The following AP1AR variants were observed in gnomAD, a reference collection of about 807,000 sequenced individuals.
AP1AR encodes the protein AP-1 complex-associated regulatory protein.
AP1AR carries 29 observed loss-of-function variants against 46.3 expected under a neutral mutation model. The ratio of observed to expected loss-of-function variants is 0.63; its 90% CI spans 0.47 to 0.85. The LOEUF (loss-of-function observed/expected upper bound fraction) is 0.85. Among genes scored for constraint, AP1AR ranks in the 40% least tolerant of loss-of-function variants. AP1AR has a pLI of 0.00. For synonymous variants in AP1AR, 122 were observed against 122.9 expected, an observed-to-expected ratio of 0.99 and a Z score of 0.05; for missense variants, 357 against 356.3, an observed-to-expected ratio of 1.00 and a Z score of -0.02.
At chr4:112,263,179 A>C (rs1726528261) in intron 6 of AP1AR, 93 bp downstream of exon 6, 213 of 945,666 alleles carry the variant, frequency 2.3e-4, no homozygotes, top group Non-Finnish European at 3.0e-4. Context: ...TCCTATTCTC[A>C]AGGACTTCTT....
intron 5 of AP1AR, among the ~76,000 whole-genome samples, chr4:112,262,164 A>T (rs1726478381): frequency 6.6e-6 from 1 of 151,818 alleles, no homozygotes; most frequent in South Asian, 2.1e-4. Context: ...AAATACAAAA[A>T]TTCACCCGGG....
Position 112,232,018 on chromosome 4 carries a change from A to ATGCAGC in AP1AR, c.-70_-65dup, listed in dbSNP as rs1384665869. The ATGCAGC allele has an allele frequency of 8.7e-6, 11 of 1,271,078 alleles. No homozygotes were observed. The highest frequency in any genetic ancestry group is 1.0e-5 in the Non-Finnish European group (10 of 990,678). 78.7% of individuals were successfully genotyped at this position (1,271,078 alleles called of 1,614,324 possible). A position where few individuals can be genotyped will look rare whatever the true frequency, so the allele number is the denominator to read the frequency against. ...CCCCATTTCGGCTCGTGCCGTGCGG[A>ATGCAGC]TGCAGCTGCCGGGCCTGGGTTTGGG... is the stretch of plus-strand genomic sequence containing the variant. On this transcript the variant is annotated 5_prime_UTR_variant, in exon 1 of 10. Transcript: ENST00000274000.
rs1332293690 is a variant in AP1AR at position 112,231,856 on chromosome 4, C to G, written c.-236C>G. 2.8e-5 allele frequency: 11 copies of G among 388,816 alleles called. No homozygotes were observed. 24.1% of individuals were successfully genotyped at this position (388,816 alleles called of 1,614,324 possible). A position where few individuals can be genotyped will look rare whatever the true frequency, so the allele number is the denominator to read the frequency against. On this transcript the variant is annotated 5_prime_UTR_variant, in exon 1 of 10. Coordinates refer to ENST00000274000, the MANE Select transcript of AP1AR (RefSeq NM_018569.6). The stretch of plus-strand genomic sequence containing the variant: ...GGCGAGGGAGTCCAGAGCCTTGAGC[C>G]CGGTGCTCCTCCCTCGCGCAGCGGT...
At chr4:112,261,343 T>G (rs565416601) in intron 5 of AP1AR, among the ~76,000 whole-genome samples, 4 of 151,466 alleles carry the variant, frequency 2.6e-5, no homozygotes, top group Non-Finnish European at 5.9e-5. Context: ...GAGGTGGGAG[T>G]ATTGCTTGAG....
chr4:112,269,206 A>G lies in AP1AR; in HGVS notation c.*797A>G, dbSNP rs1028417319. 1.3e-5 allele frequency: 2 copies of G among 152,108 alleles called. No individual in the cohort carries two copies. Among genetic ancestry groups the G allele is most frequent in the African/African-American group, 2.4e-5 (1 of 41,382 alleles). 9.4% of individuals were successfully genotyped at this position (152,108 alleles called of 1,614,324 possible). A position where few individuals can be genotyped will look rare whatever the true frequency, so the allele number is the denominator to read the frequency against. ...GGTGCCATTATTTTTAAAAAATTCT[A>G]TATTTCCAATGAACGATGTTAGATT... On this transcript the variant is annotated 3_prime_UTR_variant, in exon 10 of 10. Coordinates refer to ENST00000274000, the MANE Select transcript of AP1AR (RefSeq NM_018569.6).
intron 1 of AP1AR, among the ~76,000 whole-genome samples, chr4:112,242,754 C>A (rs548923839): frequency 6.6e-6 from 1 of 152,266 alleles, no homozygotes; most frequent in South Asian, 2.1e-4. Context: ...CAATGGAGAT[C>A]AAATTTCAAC....
At chr4:112,255,698 C>T (rs1021322091) in intron 3 of AP1AR, among the ~76,000 whole-genome samples, 1 of 152,236 alleles carries the variant, frequency 6.6e-6, no homozygotes, top group African/African-American at 2.4e-5. Flanking sequence ...CATTTCATCT[C>T]ATACAACTCA....
intron 2 of AP1AR, among the ~76,000 whole-genome samples, chr4:112,253,787 A>G (rs1427447389): frequency 6.6e-6 from 1 of 152,222 alleles, no homozygotes; most frequent in East Asian, 1.9e-4. Flanking sequence ...GAAAAATCAG[A>G]GGCTTAGACA....
intron 1 of AP1AR, among the ~76,000 whole-genome samples, chr4:112,245,540 A>G (rs1725692667): frequency 6.6e-6 from 1 of 152,248 alleles, no homozygotes; most frequent in Non-Finnish European, 1.5e-5. Flanking sequence ...GACACATAAT[A>G]GCCTTTAAAA....
At chr4:112,252,512 G>C (rs960143317) in intron 1 of AP1AR, among the ~76,000 whole-genome samples, 1 of 152,142 alleles carries the variant, frequency 6.6e-6, no homozygotes, top group African/African-American at 2.4e-5. Context: ...GGATGCTGTA[G>C]TACTTAGAAT....
At chr4:112,264,341 T>G (rs1463620932) in intron 6 of AP1AR, among the ~76,000 whole-genome samples, 5 of 152,184 alleles carry the variant, frequency 3.3e-5, no homozygotes, top group Non-Finnish European at 7.4e-5. Context: ...AAATATTTGA[T>G]GTAGGAACAC....
At chr4:112,262,850 T>C (rs1726512581) in intron 5 of AP1AR, 138 bp from the exon 6 acceptor site, 1 of 640,110 alleles carries the variant, frequency 1.6e-6, no homozygotes. Context: ...TGCAAACATT[T>C]CAATTCTGTT....
At chr4:112,266,828 T>C (rs1274572948) in intron 9 of AP1AR, 112 bp downstream of exon 9, 4 of 1,034,144 alleles carry the variant, frequency 3.9e-6, no homozygotes, top group African/African-American at 1.7e-5. Flanking sequence ...CCTTGAAAAA[T>C]CATATAAACA....
intron 5 of AP1AR, 103 bp downstream of exon 5, chr4:112,260,965 A>G (rs1020854910): frequency 1.4e-5 from 8 of 586,412 alleles, no homozygotes; most frequent in Non-Finnish European, 1.9e-5. Context: ...TTAGATATAT[A>G]CAGATGAATC....
At chr4:112,244,681 A>C (rs899527227) in intron 1 of AP1AR, among the ~76,000 whole-genome samples, 3 of 152,064 alleles carry the variant, frequency 2.0e-5, no homozygotes, top group Non-Finnish European at 2.9e-5. Flanking sequence ...ATGCAGTGTT[A>C]TATTGATTTT....
chr4:112,267,421 C>G (rs1265639248), intron 9 of AP1AR, among the ~76,000 whole-genome samples: 1 of 151,906 alleles, frequency 6.6e-6, no homozygotes, highest in Non-Finnish European at 1.5e-5. Flanking sequence ...TTGACACTTT[C>G]ACTTTACCAA....
At chr4:112,267,998 G>T (rs1726777211) in intron 9 of AP1AR, 146 bp from the exon 10 acceptor site, 6 of 694,024 alleles carry the variant, frequency 8.6e-6, no homozygotes, top group South Asian at 3.7e-5. Context: ...TTTCCCTTAA[G>T]AAGGCCTCCA....
At position 112,269,152 on chromosome 4, in the gene AP1AR, TTTAA is replaced by T. The variant is rs1188842098; in HGVS notation, c.*746_*749del. 3 of 151,650 alleles carry T rather than the reference TTTAA, an allele frequency of 2.0e-5. No homozygotes were observed. The highest frequency in any genetic ancestry group is 6.6e-5 in the Admixed American group (1 of 15,178). The allele number at this position is 151,650 out of a possible 1,614,324, so 9.4% of individuals were successfully genotyped here. A position where few individuals can be genotyped will look rare whatever the true frequency, so the allele number is the denominator to read the frequency against. On this transcript the variant is annotated 3_prime_UTR_variant, in exon 10 of 10. Transcript: ENST00000274000. ...TCATTTTACATGCCACTATATTGAC[TTTAA>T]TTGATATACAGTATTAAGTTTTTAG...
chr4:112,242,699 T>C (rs915626634), intron 1 of AP1AR, among the ~76,000 whole-genome samples: 1 of 152,150 alleles, frequency 6.6e-6, no homozygotes, highest in Non-Finnish European at 1.5e-5. Flanking sequence ...TCATGAGGGA[T>C]CCACCACTGT....
Sources: gnomAD v4.1 joint callset for allele counts (sites outside exome capture counted in the v4.1 genomes callset) on GRCh38, gnomAD v4.1.1 for gene constraint, MANE v1.5 for transcripts, NCBI Gene and HGNC (gene_info 2026-07-23, HGNC 2026-07-21) for gene names.